The following CSMD3 variants were observed in gnomAD, a reference collection of about 807,000 sequenced individuals.
CSMD3 encodes CUB and sushi domain-containing protein 3.
In CSMD3, 177 loss-of-function variants were observed where a neutral mutation model predicts 435.2. The observed-to-expected ratio is 0.41, with a 90% CI of 0.36 to 0.46. CSMD3 has a LOEUF of 0.46. Among genes scored for constraint, CSMD3 ranks in the 20% least tolerant of loss-of-function variants. The pLI is 0.34. For missense variants in CSMD3, 4,265 were observed against 4,504.6 expected, an observed-to-expected ratio of 0.95 and a Z score of 1.52; for synonymous variants, 1,656 against 1,520.5, an observed-to-expected ratio of 1.09 and a Z score of -2.07.
chr8:112,911,581 A>G (rs921838377), intron 10 of CSMD3, among the ~76,000 whole-genome samples: 1 of 150,814 alleles, frequency 6.6e-6, no homozygotes, highest in South Asian at 2.1e-4. Flanking sequence ...ACATATAATA[A>G]CATTTCCTTC....
At chr8:112,373,638 T>A (rs1400146316) in intron 38 of CSMD3, among the ~76,000 whole-genome samples, 1 of 152,190 alleles carries the variant, frequency 6.6e-6, no homozygotes, top group Non-Finnish European at 1.5e-5. Flanking sequence ...TCAGAATTTC[T>A]GTATCTAGTT....
At chr8:113,374,325 A>G (rs948434801) in intron 1 of CSMD3, among the ~76,000 whole-genome samples, 2 of 152,116 alleles carry the variant, frequency 1.3e-5, no homozygotes, top group Non-Finnish European at 2.9e-5. Flanking sequence ...TGAAGAATAC[A>G]TTGGCATATA....
chr8:113,410,900 T>TGAAAGAAAGAAAGGAAAGAAA lies in CSMD3; in HGVS notation c.178+25776_178+25777insTTTCTTTCCTTTCTTTCTTTC, dbSNP rs2094555618. On this transcript the variant is annotated intron_variant, in intron 1 of 70. Transcript: ENST00000297405. ...AGCCTTGTGACAGAGCAAAACCCTG[T>TGAAAGAAAGAAAGGAAAGAAA]GAAAGAAAGAAAGAAAGAAAGAAAG... Among the ~76,000 whole-genome samples the TGAAAGAAAGAAAGGAAAGAAA allele has an allele frequency of 5.7e-5, 6 of 105,482 alleles. 1 individual carries two copies. The South Asian group carries it at 2.2e-3, about 38-fold the overall frequency. The allele number at this position is 105,482 out of a possible 152,430, so 69.2% of individuals were successfully genotyped here.
At chr8:112,621,805 C>T (rs1160975566) in intron 22 of CSMD3, among the ~76,000 whole-genome samples, 3 of 152,146 alleles carry the variant, frequency 2.0e-5, no homozygotes, top group Non-Finnish European at 4.4e-5. Context: ...TCTTGCTCAT[C>T]TTATCCAATT....
chr8:112,601,629 T>C (rs183978674), intron 22 of CSMD3, among the ~76,000 whole-genome samples: 1 of 152,282 alleles, frequency 6.6e-6, no homozygotes, highest in East Asian at 1.9e-4. Context: ...AGCATTTTGG[T>C]TGCACTTTGA....
At chr8:112,447,358 C>A (rs1385749792) in intron 32 of CSMD3, among the ~76,000 whole-genome samples, 3 of 152,072 alleles carry the variant, frequency 2.0e-5, no homozygotes, top group Non-Finnish European at 4.4e-5. Context: ...TAATTCATGG[C>A]CTATTTTGCT....
chr8:112,999,689 A>G (rs2085789279), intron 6 of CSMD3, among the ~76,000 whole-genome samples: 1 of 151,624 alleles, frequency 6.6e-6, no homozygotes, highest in Admixed American at 6.6e-5. Flanking sequence ...ATGGCAGGAA[A>G]CTGAGTGTTT....
chr8:113,242,817 A>G (rs2093233679), intron 3 of CSMD3, among the ~76,000 whole-genome samples: 1 of 151,994 alleles, frequency 6.6e-6, no homozygotes, highest in African/African-American at 2.4e-5. Flanking sequence ...AAGACATTGA[A>G]TATACCTAAA....
At chr8:112,653,398 T>G (rs2075178779) in intron 18 of CSMD3, among the ~76,000 whole-genome samples, 1 of 152,166 alleles carries the variant, frequency 6.6e-6, no homozygotes, top group African/African-American at 2.4e-5. Flanking sequence ...AAAATACATC[T>G]ATACGTTCAT....
chr8:112,350,461 T>C (rs899940934), intron 40 of CSMD3, among the ~76,000 whole-genome samples: 5 of 152,136 alleles, frequency 3.3e-5, no homozygotes, highest in Admixed American at 2.0e-4. Flanking sequence ...TAGTTAATGA[T>C]AAAATTTAAC....
At chr8:113,064,433 A>C (rs72683880) in intron 5 of CSMD3, among the ~76,000 whole-genome samples, 2,338 of 152,242 alleles carry the variant, frequency 0.015, 31 homozygotes, top group Non-Finnish European at 0.02. Flanking sequence ...ATCATGAGGC[A>C]ATAAGAAAAA....
At chr8:112,799,079 T>G (rs981619815) in intron 13 of CSMD3, among the ~76,000 whole-genome samples, 1 of 151,902 alleles carries the variant, frequency 6.6e-6, no homozygotes, top group African/African-American at 2.4e-5. Context: ...TTTTATTTAC[T>G]GGGGATAGAG....
intron 1 of CSMD3, among the ~76,000 whole-genome samples, chr8:113,323,210 T>A (rs2093960757): frequency 1.3e-5 from 2 of 152,194 alleles, no homozygotes; most frequent in African/African-American, 4.8e-5. Context: ...AGAATGTAAG[T>A]TTCATGAGAT....
chr8:112,881,184 C>G (rs2081437938), intron 10 of CSMD3, among the ~76,000 whole-genome samples: 1 of 151,916 alleles, frequency 6.6e-6, no homozygotes, highest in African/African-American at 2.4e-5. Flanking sequence ...CAGGAAACAA[C>G]CCAAACAAGT....
chr8:113,384,488 T>C (rs567195914), intron 1 of CSMD3, among the ~76,000 whole-genome samples: 3 of 152,128 alleles, frequency 2.0e-5, no homozygotes, highest in South Asian at 4.2e-4. Flanking sequence ...AACACTGAGG[T>C]GTCAGATAGG....
intron 5 of CSMD3, among the ~76,000 whole-genome samples, chr8:113,059,525 T>C (rs151289966): frequency 1.6e-3 from 237 of 152,318 alleles, no homozygotes; most frequent in African/African-American, 5.6e-3. Flanking sequence ...TCCATGCTAA[T>C]ATTTTCACAA....
intron 45 of CSMD3, among the ~76,000 whole-genome samples, chr8:112,330,869 T>C (rs1823980865): frequency 6.6e-6 from 1 of 152,028 alleles, no homozygotes; most frequent in Non-Finnish European, 1.5e-5. Flanking sequence ...ACAATGAATT[T>C]TAGCTGTTGT....
intron 61 of CSMD3, among the ~76,000 whole-genome samples, chr8:112,259,935 A>G (rs1816219302): frequency 6.6e-6 from 1 of 152,186 alleles, no homozygotes; most frequent in Non-Finnish European, 1.5e-5. Context: ...GCATATTCAA[A>G]TAAAGGAGGG....
chr8:112,681,772 CAGG>C (rs912589849), intron 16 of CSMD3, among the ~76,000 whole-genome samples: 14 of 152,034 alleles, frequency 9.2e-5, no homozygotes, highest in Non-Finnish European at 1.5e-4. Flanking sequence ...GAGGCTGAGG[CAGG>C]AGAATTGCTG....
Sources: gnomAD v4.1 joint callset for allele counts (sites outside exome capture counted in the v4.1 genomes callset) on GRCh38, gnomAD v4.1.1 for gene constraint, MANE v1.5 for transcripts, NCBI Gene and HGNC (gene_info 2026-07-23, HGNC 2026-07-21) for gene names.